Variants in ARHGAP5 observed in about 807,000 individuals in gnomAD.
ARHGAP5 encodes the protein rho GTPase-activating protein 5.
Under a neutral mutation model 116.6 loss-of-function variants are expected in ARHGAP5, and 23 were observed. That is an observed-to-expected ratio of 0.20 (90% CI 0.14 to 0.28). The LOEUF (loss-of-function observed/expected upper bound fraction) is 0.28. Among genes scored for constraint, ARHGAP5 ranks in the 10% least tolerant of loss-of-function variants. The pLI, the probability that ARHGAP5 is intolerant of heterozygous loss-of-function variation, is 1.00. For missense variants in ARHGAP5, 1,405 were observed against 1,774.8 expected (o/e 0.79, Z 3.74); for synonymous variants, 574 against 602.0 (o/e 0.95, Z 0.68).
In ARHGAP5 at chr14:32,156,290, T is replaced by C. The variant is rs182088962; in HGVS notation, c.*1342T>C. ...TTTTGTGTAGTAAAGAAAAAAATTA[T>C]TTGGTCAATGTTATCTTAATTCATA... On this transcript the variant is annotated 3_prime_UTR_variant, in exon 7 of 7. Coordinates refer to ENST00000345122, the MANE Select transcript of ARHGAP5 (RefSeq NM_001030055.2). The C allele has an allele frequency of 6.6e-6, 1 of 152,558 alleles. No individual in the cohort carries two copies. Among genetic ancestry groups the C allele is most frequent in the East Asian group, 1.9e-4 (1 of 5,188 alleles). The allele number at this position is 152,558 out of a possible 1,614,324, so 9.5% of individuals were successfully genotyped here. A position where few individuals can be genotyped will look rare whatever the true frequency, so the allele number is the denominator to read the frequency against.
chr14:32,093,598 A>C lies in ARHGAP5; in HGVS notation c.2929A>C (p.Asn977His). ...PSPRDCFPYNNYPDSDDDTEA... is the reference protein window; with the variant it reads ...PSPRDCFPYNHYPDSDDDTEA... ...TCCCAGAGACTGTTTTCCCTATAAT[A>C]ACTACCCTGATTCAGATGATGACAC... Residue 977 changes from asparagine (N) to histidine (H), a missense_variant, in exon 2 of 7, where the codon AAC (asparagine) becomes CAC (histidine). This residue lies in a region of ARHGAP5 where 944 missense variants were observed against 1,095.3 expected (regional missense o/e 0.86). Coordinates refer to ENST00000345122, the MANE Select transcript of ARHGAP5 (RefSeq NM_001030055.2). 3 of 1,613,978 alleles carry C rather than the reference A, an allele frequency of 1.9e-6. No homozygotes were observed. The Admixed American group carries it at 5.0e-5, about 27-fold the overall frequency.
chr14:32,152,402 T>A, intron 5 of ARHGAP5, 21 bp from the exon 6 acceptor site: 1 of 1,472,722 alleles, frequency 6.8e-7, no homozygotes, highest in Non-Finnish European at 9.4e-7. Context: ...ACACAGATTC[T>A]TCACTGTTTT....
chr14:32,106,241 C>G (rs1015513652), intron 2 of ARHGAP5, among the ~76,000 whole-genome samples: 3 of 152,146 alleles, frequency 2.0e-5, no homozygotes, highest in African/African-American at 7.2e-5. Context: ...CTGCCTCAGC[C>G]TCCTGAGTAT....
rs563098760 is a variant in ARHGAP5, at chr14:32,156,559, C to A, written c.*1611C>A. 1 of 152,288 alleles carries A rather than the reference C, an allele frequency of 6.6e-6. No individual in the cohort carries two copies. The highest frequency in any genetic ancestry group is 1.9e-4 in the East Asian group (1 of 5,188). The allele number at this position is 152,288 out of a possible 1,614,324, so 9.4% of individuals were successfully genotyped here. A position where few individuals can be genotyped will look rare whatever the true frequency, so the allele number is the denominator to read the frequency against. On this transcript the variant is annotated 3_prime_UTR_variant, in exon 7 of 7. Transcript: ENST00000345122. ...TTTGTGTTATACTCTTACATGTTAT[C>A]TTTTCTAAGAAAACAAAGTCCCTAT... is the stretch of plus-strand genomic sequence containing the variant.
chr14:32,087,602 C>G (rs766126081), intron 1 of ARHGAP5, among the ~76,000 whole-genome samples: 6 of 151,424 alleles, frequency 4.0e-5, no homozygotes, highest in Non-Finnish European at 5.9e-5. Flanking sequence ...CTTCCCACAT[C>G]TAGGTGGAAG....
rs1194190899 is a variant in ARHGAP5 at position 32,158,802 on chromosome 14, C to T, written c.*3854C>T. On this transcript the variant is annotated 3_prime_UTR_variant, in exon 7 of 7. Coordinates refer to ENST00000345122, the MANE Select transcript of ARHGAP5 (RefSeq NM_001030055.2). ...TCATTTTCTTAGGATAGCATCTTTA[C>T]ATACAATGAGAGGATTGTACAAGCA... 6.6e-6 allele frequency: 1 copy of T among 151,980 alleles called. No homozygotes were observed. The highest frequency in any genetic ancestry group is 2.4e-5 in the African/African-American group (1 of 41,440). The allele number at this position is 151,980 out of a possible 1,614,324, so 9.4% of individuals were successfully genotyped here.
intron 3 of ARHGAP5, among the ~76,000 whole-genome samples, chr14:32,121,800 C>T (rs563530820): frequency 1.9e-4 from 29 of 152,254 alleles, no homozygotes; most frequent in African/African-American, 7.0e-4. Flanking sequence ...TACAGGCTTG[C>T]CTGTTCCTGG....
intron 3 of ARHGAP5, among the ~76,000 whole-genome samples, chr14:32,130,849 T>C (rs1880449935): frequency 6.6e-6 from 1 of 152,178 alleles, no homozygotes; most frequent in African/African-American, 2.4e-5. Context: ...TTTTCTCACA[T>C]TTTTCAAAAT....
intron 3 of ARHGAP5, among the ~76,000 whole-genome samples, chr14:32,120,441 T>A (rs1879826166): frequency 6.6e-6 from 1 of 151,942 alleles, no homozygotes; most frequent in Non-Finnish European, 1.5e-5. Flanking sequence ...CTTTGGTTTT[T>A]CTGAAGTTTC....
Position 32,092,012 on chromosome 14 carries a change from A to T in ARHGAP5, c.1343A>T (p.Gln448Leu), listed in dbSNP as rs1169657706. 1 of 1,613,646 alleles carries T rather than the reference A, an allele frequency of 6.2e-7. No homozygotes were observed. The highest frequency in any genetic ancestry group is 8.5e-7 in the Non-Finnish European group (1 of 1,179,762). The change falls in exon 2 of 7, where the codon CAG (glutamine) becomes CTG (leucine). Residue 448 changes from glutamine to leucine, a missense_variant. Transcript: ENST00000345122. This position sits in a 1 kb window ranked among gnomAD's most constrained non-coding sequence, Gnocchi z 4.1. ...AAAATTCAATTCATTTCACCAGGGCAGCCATGGGAGGAAGTTATGTGCTTT... is the reference window on the plus strand; with the variant it reads ...AAAATTCAATTCATTTCACCAGGGCTGCCATGGGAGGAAGTTATGTGCTTT... ...LEKIQFISPG[Q>L]PWEEVMCFVM...
chr14:32,140,802 G>T (rs1451847057), intron 3 of ARHGAP5, among the ~76,000 whole-genome samples: 3 of 152,162 alleles, frequency 2.0e-5, no homozygotes, highest in Non-Finnish European at 4.4e-5. Context: ...TTGTGCTGTT[G>T]TTAGATAGAG....
At chr14:32,089,336 A>AT (rs1187608200) in intron 1 of ARHGAP5, among the ~76,000 whole-genome samples, 3 of 151,322 alleles carry the variant, frequency 2.0e-5, no homozygotes, top group East Asian at 1.9e-4. Flanking sequence ...CTTTTCTTAG[A>AT]TTTTTTTTGT....
intron 3 of ARHGAP5, among the ~76,000 whole-genome samples, chr14:32,126,533 C>T (rs748712038): frequency 6.6e-6 from 1 of 152,212 alleles, no homozygotes. Context: ...CTTACCTTAA[C>T]TAACTACATC....
chr14:32,154,391 C>T (rs552462587), intron 6 of ARHGAP5: 117 of 435,604 alleles, frequency 2.7e-4, no homozygotes, highest in Admixed American at 1.5e-3. Context: ...TCAGGTGATC[C>T]GCCTGCCTCA....
At chr14:32,124,414 A>G (rs1296599924) in intron 3 of ARHGAP5, among the ~76,000 whole-genome samples, 2 of 152,198 alleles carry the variant, frequency 1.3e-5, no homozygotes, top group East Asian at 3.8e-4. Flanking sequence ...TATCTTAATA[A>G]GTTGTGCTAG....
intron 3 of ARHGAP5, among the ~76,000 whole-genome samples, chr14:32,135,613 G>T (rs1880748539): frequency 6.6e-6 from 1 of 152,198 alleles, no homozygotes; most frequent in African/African-American, 2.4e-5. Context: ...AGTAGAGACA[G>T]GGTTTCACCA....
rs1878220399 is a variant in ARHGAP5 at position 32,091,142 on chromosome 14, G to T, written c.473G>T (p.Gly158Val). The T allele has an allele frequency of 1.2e-6, 2 of 1,613,606 alleles. No individual in the cohort carries two copies. Among genetic ancestry groups the T allele is most frequent in the Non-Finnish European group, 1.7e-6 (2 of 1,179,608 alleles). Reference sequence around the variant, plus strand: ...CCTGAAGGGAAGCTCAACGTAGATGGATTTTTATTATGCATTGATGTAAGT... The same window carrying T: ...CCTGAAGGGAAGCTCAACGTAGATGTATTTTTATTATGCATTGATGTAAGT... The part of the protein sequence containing the change: ...QMPEGKLNVD[G>V]FLLCIDVSQG... Residue 158 changes from glycine (G) to valine (V), a missense_variant, in exon 2 of 7, where the codon GGA becomes GTA. Coordinates refer to ENST00000345122, the MANE Select transcript of ARHGAP5 (RefSeq NM_001030055.2).
chr14:32,101,509 C>G (rs945846926), intron 2 of ARHGAP5, among the ~76,000 whole-genome samples: 7 of 152,016 alleles, frequency 4.6e-5, no homozygotes, highest in Non-Finnish European at 5.9e-5. Context: ...TGTCATTTGT[C>G]TATATCAGAA....
In ARHGAP5 at chr14:32,091,671, G is replaced by A; in HGVS notation, c.1002G>A (p.Arg334=). The A allele has an allele frequency of 6.2e-7, 1 of 1,609,516 alleles. No individual in the cohort carries two copies. Among genetic ancestry groups the A allele is most frequent in the Non-Finnish European group, 8.5e-7 (1 of 1,178,530 alleles). Residue 334 remains arginine, a synonymous_variant, in exon 2 of 7, where the codon AGG becomes AGA. Coordinates refer to ENST00000345122, the MANE Select transcript of ARHGAP5 (RefSeq NM_001030055.2). ...EQLKQEHIRK[R]REEYINTLPR... ...TTAAACAGGAACATATAAGAAAAAGGAGAGAAGAGTATATAAATACTTTAC... is the reference window on the plus strand; with the variant it reads ...TTAAACAGGAACATATAAGAAAAAGAAGAGAAGAGTATATAAATACTTTAC...
Sources: allele counts gnomAD v4.1 joint callset (sites outside exome capture counted in the v4.1 genomes callset), GRCh38; gene constraint gnomAD v4.1.1; regional missense constraint gnomAD v4.1.1; non-coding constraint Gnocchi (gnomAD v3.1); transcripts MANE v1.5; gene names NCBI Gene and HGNC (gene_info 2026-07-23, HGNC 2026-07-21).